CDK17: variants seen among roughly 807,000 people sequenced by gnomAD.
The protein encoded by CDK17 is cyclin dependent kinase 17, also known as cyclin-dependent kinase 17.
A neutral mutation model predicts 77.6 loss-of-function variants in CDK17; 24 were observed. The observed-to-expected ratio is 0.31, with a 90% CI of 0.22 to 0.44. CDK17 has a LOEUF of 0.44. Among genes scored for constraint, CDK17 ranks in the 20% least tolerant of loss-of-function variants. CDK17 has a pLI of 1.00. For missense variants in CDK17, 429 were observed against 622.5 expected, an observed-to-expected ratio of 0.69 and a Z score of 3.31; for synonymous variants, 203 against 210.4, an observed-to-expected ratio of 0.96 and a Z score of 0.30.
At chr12:96,351,837 A>G (rs1442987581) in intron 1 of CDK17, among the ~76,000 whole-genome samples, 1 of 152,240 alleles carries the variant, frequency 6.6e-6, no homozygotes, top group Non-Finnish European at 1.5e-5. Flanking sequence ...TATGCTGAAC[A>G]CAACAGAATA....
intron 3 of CDK17, among the ~76,000 whole-genome samples, chr12:96,319,176 C>T (rs914622853): frequency 1.4e-4 from 21 of 151,650 alleles, no homozygotes; most frequent in African/African-American, 2.4e-4. Context: ...AACACCTGTA[C>T]GCAAATAAAC....
rs190440419 is a variant in CDK17 at position 96,364,234 on chromosome 12, C to A, written c.-29-29369G>T. On this transcript the variant is annotated intron_variant, in intron 1 of 16. Transcript: ENST00000261211. The stretch of plus-strand genomic sequence containing the variant: ...TTTGCTATGAACATTCTTGTATAAT[C>A]ATTTTATGGACAAATGTCTTCCTTT... 2.0e-3 allele frequency among the ~76,000 whole-genome samples: 297 copies of A among 152,242 alleles called. 1 individual carries two copies. Among genetic ancestry groups the A allele is most frequent in the African/African-American group, 6.8e-3 (282 of 41,536 alleles).
In CDK17 at chr12:96,280,662, C is replaced by T. The variant is rs561399124; in HGVS notation, c.1534+146G>A. Reference sequence around the variant, plus strand: ...CCCACATCATACAGAAAAGTGAGTACGTGCAATGCTAAACATAAACAGTTG... The same window carrying T: ...CCCACATCATACAGAAAAGTGAGTATGTGCAATGCTAAACATAAACAGTTG... On this transcript the variant is annotated intron_variant, in intron 16 of 16. Transcript: ENST00000261211. The T allele has an allele frequency of 1.0e-3, 1,475 of 1,433,698 alleles. 6 individuals are homozygous for T. The highest frequency in any genetic ancestry group is 5.0e-3 in the Middle Eastern group (20 of 3,972). The allele number at this position is 1,433,698 out of a possible 1,614,324, so 88.8% of individuals were successfully genotyped here.
chr12:96,331,161 T>C (rs913914727), intron 2 of CDK17, among the ~76,000 whole-genome samples: 1 of 152,224 alleles, frequency 6.6e-6, no homozygotes, highest in Non-Finnish European at 1.5e-5. Flanking sequence ...CAGGCTAGTC[T>C]AGAACTCCTT....
intron 1 of CDK17, among the ~76,000 whole-genome samples, chr12:96,344,478 T>C (rs554650068): frequency 6.4e-4 from 98 of 152,322 alleles, no homozygotes; most frequent in African/African-American, 2.3e-3. Context: ...ATACATGGGC[T>C]CTTCAGTAAG....
chr12:96,346,009 A>G (rs1408853811), intron 1 of CDK17, among the ~76,000 whole-genome samples: 2 of 152,264 alleles, frequency 1.3e-5, no homozygotes, highest in Non-Finnish European at 2.9e-5. Flanking sequence ...GGATTTTTTA[A>G]AAACCCAATC....
chr12:96,396,054 C>A (rs1004738577), intron 1 of CDK17, among the ~76,000 whole-genome samples: 5 of 152,252 alleles, frequency 3.3e-5, no homozygotes, highest in African/African-American at 1.2e-4. Flanking sequence ...TCACCTCATC[C>A]CAATATGCCA....
Position 96,336,680 on chromosome 12 carries a change from C to A in CDK17, c.-29-1815G>T, listed in dbSNP as rs547238870. Among the ~76,000 whole-genome samples the A allele has an allele frequency of 4.6e-5, 7 of 152,290 alleles. No individual in the cohort carries two copies. The South Asian group carries it at 1.4e-3, about 32-fold the overall frequency. On this transcript the variant is annotated intron_variant, in intron 1 of 16. Coordinates refer to ENST00000261211, the MANE Select transcript of CDK17 (RefSeq NM_002595.5). ...TCGAGTTTATGCCTAATGTTTTCTA[C>A]TAACGTATCCTCCAGTTCACAAATC...
At chr12:96,328,036 A>C (rs965047044) in intron 2 of CDK17, among the ~76,000 whole-genome samples, 2 of 152,198 alleles carry the variant, frequency 1.3e-5, no homozygotes, top group Non-Finnish European at 2.9e-5. Flanking sequence ...GCAAGTGAGC[A>C]AAGCTTCATC....
chr12:96,324,904 A>G (rs1469841671), intron 2 of CDK17, among the ~76,000 whole-genome samples: 1 of 152,214 alleles, frequency 6.6e-6, no homozygotes, highest in Non-Finnish European at 1.5e-5. Flanking sequence ...GTACCTAAAT[A>G]CATATCAATA....
Position 96,299,737 on chromosome 12 carries a change from A to G in CDK17, c.600+567T>C, listed in dbSNP as rs562194358. Among the ~76,000 whole-genome samples, 10 of 152,296 alleles carry G rather than the reference A, an allele frequency of 6.6e-5. No individual in the cohort carries two copies. The South Asian group carries it at 1.5e-3, about 22-fold the overall frequency. Reference sequence around the variant, plus strand: ...TCTAGACTTTTCAGAATCTTTGTACATTAACTCTCCTTTAAAAAACAAGGA... The same window carrying G: ...TCTAGACTTTTCAGAATCTTTGTACGTTAACTCTCCTTTAAAAAACAAGGA... On this transcript the variant is annotated intron_variant, in intron 6 of 16. Transcript: ENST00000261211.
intron 1 of CDK17, among the ~76,000 whole-genome samples, chr12:96,371,349 C>G (rs1376992214): frequency 2.0e-5 from 3 of 152,112 alleles, no homozygotes; most frequent in Non-Finnish European, 4.4e-5. Context: ...TAAAGATATC[C>G]CGTGAAGCCC....
At chr12:96,383,535 G>C (rs1382263157) in intron 1 of CDK17, among the ~76,000 whole-genome samples, 1 of 152,076 alleles carries the variant, frequency 6.6e-6, no homozygotes, top group Non-Finnish European at 1.5e-5. Flanking sequence ...TAGGGCTAAA[G>C]TAAGCAACAC....
intron 1 of CDK17, among the ~76,000 whole-genome samples, chr12:96,370,647 G>C (rs573828786): frequency 6.6e-6 from 1 of 151,766 alleles, no homozygotes; most frequent in Non-Finnish European, 1.5e-5. Context: ...TTCTCTCACC[G>C]GTGTACAATG....
chr12:96,397,549 G>A (rs1954191799), intron 1 of CDK17, among the ~76,000 whole-genome samples: 1 of 151,992 alleles, frequency 6.6e-6, no homozygotes, highest in African/African-American at 2.4e-5. Context: ...ACAGCAATAG[G>A]CAAATTACGA....
intron 6 of CDK17, among the ~76,000 whole-genome samples, chr12:96,299,374 T>C (rs1004702433): frequency 2.0e-5 from 3 of 147,332 alleles, no homozygotes; most frequent in African/African-American, 7.6e-5. Context: ...AATGTACATA[T>C]TGTTAAATGA....
At chr12:96,375,393 T>A (rs554412998) in intron 1 of CDK17, among the ~76,000 whole-genome samples, 3 of 152,020 alleles carry the variant, frequency 2.0e-5, no homozygotes, top group Non-Finnish European at 4.4e-5. Flanking sequence ...CACACACCAG[T>A]GTGGCCTAAG....
intron 1 of CDK17, among the ~76,000 whole-genome samples, chr12:96,335,765 A>G (rs964698570): frequency 2.0e-5 from 3 of 152,234 alleles, no homozygotes; most frequent in African/African-American, 7.2e-5. Context: ...TATAATTCAT[A>G]GTAGAGTCTT....
Position 96,297,303 on chromosome 12 carries a change from G to A in CDK17, c.840C>T (p.Asp280=). ...TGTGCATACTCATGATGTTTCCACA[G>A]TCATCCATGTACTGTTTCAGGTCTT... ...LDKDLKQYMD[D]CGNIMSMHNV... The change falls in exon 9 of 17, where the codon GAC becomes GAT. Residue 280 remains aspartate, a synonymous_variant. Transcript: ENST00000261211. 6.2e-7 allele frequency: 1 copy of A among 1,610,926 alleles called. No individual in the cohort carries two copies.
Sources: allele counts gnomAD v4.1 joint callset (sites outside exome capture counted in the v4.1 genomes callset), GRCh38; gene constraint gnomAD v4.1.1; transcripts MANE v1.5; gene names NCBI Gene and HGNC (gene_info 2026-07-23, HGNC 2026-07-21).